PALLD: variants seen among roughly 807,000 people sequenced by gnomAD.
The protein encoded by PALLD is palladin.
PALLD carries 61 observed loss-of-function variants against 123.5 expected under a neutral mutation model. The ratio of observed to expected loss-of-function variants is 0.49; its 90% CI spans 0.40 to 0.61. PALLD has a LOEUF of 0.61. Ranked by LOEUF, PALLD falls within the 20% of genes least tolerant of loss-of-function variation. The pLI, the probability that PALLD is intolerant of heterozygous loss-of-function variation, is 0.00. For synonymous variants in PALLD, 465 were observed against 496.4 expected (o/e 0.94, Z 0.84); for missense variants, 1,273 against 1,377.0 (o/e 0.92, Z 1.20).
rs1209196622 is a variant in PALLD, at chr4:168,773,138, G to T, written c.1964+61215G>T. 4.6e-5 allele frequency among the ~76,000 whole-genome samples: 7 copies of T among 152,166 alleles called. No homozygotes were observed. The East Asian group carries it at 1.4e-3, about 29-fold the overall frequency. ...GTAACAAGTAAAATTAGTATTTTTT[G>T]GACTCCAGGTACCTGTTTGAAATTA... On this transcript the variant is annotated intron_variant, in intron 10 of 21. Coordinates refer to ENST00000505667, the MANE Select transcript of PALLD (RefSeq NM_001166108.2).
In PALLD at chr4:168,926,442, T is replaced by A. The variant is rs563479771; in HGVS notation, c.*262T>A. ...AACAGCCATTGCCTTGACCAACATA[T>A]TCCTTTGTCACATTATGTAAAAGGC... On this transcript the variant is annotated 3_prime_UTR_variant, in exon 22 of 22. Coordinates refer to ENST00000505667, the MANE Select transcript of PALLD (RefSeq NM_001166108.2). 1 of 1,245,648 alleles carries A rather than the reference T, an allele frequency of 8.0e-7. No homozygotes were observed. Among genetic ancestry groups the A allele is most frequent in the South Asian group, 1.3e-5 (1 of 76,640 alleles). The allele number at this position is 1,245,648 out of a possible 1,614,324, so 77.2% of individuals were successfully genotyped here.
chr4:168,548,586 G>T (rs1323759691), intron 2 of PALLD, among the ~76,000 whole-genome samples: 1 of 152,130 alleles, frequency 6.6e-6, no homozygotes, highest in African/African-American at 2.4e-5. Flanking sequence ...AAATGGTCTG[G>T]TGTGGGGCCT....
chr4:168,805,505 A>T (rs549538610), intron 10 of PALLD, among the ~76,000 whole-genome samples: 21 of 152,176 alleles, frequency 1.4e-4, no homozygotes, highest in Non-Finnish European at 2.6e-4. Context: ...AACTTGCCTG[A>T]ATTTCCTCTG....
intron 2 of PALLD, chr4:168,598,329 C>T (rs922099853): frequency 6.0e-6 from 3 of 500,772 alleles, no homozygotes; most frequent in Non-Finnish European, 1.2e-5. Context: ...GGGTTTGGTG[C>T]TTTGCTATTC....
intron 11 of PALLD, 84 bp from the exon 12 acceptor site, chr4:168,894,495 G>A: frequency 1.2e-6 from 1 of 818,302 alleles, no homozygotes; most frequent in Non-Finnish European, 2.1e-6. Flanking sequence ...ATGAAAGTGT[G>A]TTGTTTTTTA....
chr4:168,760,449 G>GC (rs2150435966), intron 10 of PALLD, among the ~76,000 whole-genome samples: 1 of 152,044 alleles, frequency 6.6e-6, no homozygotes, highest in Admixed American at 6.6e-5. Flanking sequence ...ATTTTCATTT[G>GC]CCCCCTCAAA....
chr4:168,613,133 C>G (rs1243801334), intron 2 of PALLD, among the ~76,000 whole-genome samples: 1 of 152,190 alleles, frequency 6.6e-6, no homozygotes, highest in Non-Finnish European at 1.5e-5. Context: ...GCATCACACA[C>G]ATTTAGATAT....
At chr4:168,682,131 CA>C (rs1313052296) in intron 4 of PALLD, among the ~76,000 whole-genome samples, 2 of 152,094 alleles carry the variant, frequency 1.3e-5, no homozygotes, top group African/African-American at 4.8e-5. Context: ...CCGAAATTCA[CA>C]AAACTTAGTT....
intron 10 of PALLD, among the ~76,000 whole-genome samples, chr4:168,835,777 C>T (rs1745093969): frequency 6.6e-6 from 1 of 152,118 alleles, no homozygotes; most frequent in South Asian, 2.1e-4. Flanking sequence ...GGGCTCACTG[C>T]AGCCTCTGCC....
At chr4:168,584,607 T>C (rs912039413) in intron 2 of PALLD, among the ~76,000 whole-genome samples, 9 of 152,364 alleles carry the variant, frequency 5.9e-5, no homozygotes, top group Admixed American at 5.9e-4. Flanking sequence ...AATTGTTTTC[T>C]ATCTTAGTCA....
intron 10 of PALLD, among the ~76,000 whole-genome samples, chr4:168,816,209 A>G (rs2150766794): frequency 6.6e-6 from 1 of 152,054 alleles, no homozygotes; most frequent in Non-Finnish European, 1.5e-5. Context: ...TGCTTTCCTC[A>G]CTCACATCTG....
At chr4:168,567,503 T>C (rs1421969213) in intron 2 of PALLD, among the ~76,000 whole-genome samples, 2 of 151,250 alleles carry the variant, frequency 1.3e-5, no homozygotes, top group Non-Finnish European at 2.9e-5. Context: ...AACCTAAGTG[T>C]CCAATGTCCA....
intron 10 of PALLD, among the ~76,000 whole-genome samples, chr4:168,733,859 T>C (rs1049724839): frequency 1.4e-4 from 21 of 152,104 alleles, no homozygotes; most frequent in East Asian, 9.7e-4. Context: ...CTCAGCCTCC[T>C]GAGTAGCTGG....
rs143265420 is a variant in PALLD at position 168,555,107 on chromosome 4, T to C, written c.908+42695T>C. Among the ~76,000 whole-genome samples, 1,413 of 152,308 alleles carry C rather than the reference T, an allele frequency of 9.3e-3. 30 individuals are homozygous for C. The highest frequency in any genetic ancestry group is 0.032 in the African/African-American group (1,322 of 41,562). On this transcript the variant is annotated intron_variant, in intron 2 of 21. Transcript: ENST00000505667. ...ATTTTATTGGAGTCCAGTCTTCTAA[T>C]GAAGTATGAAAGAAAGAAACATGTA...
chr4:168,544,907 G>C (rs1312120446), intron 2 of PALLD, among the ~76,000 whole-genome samples: 1 of 152,092 alleles, frequency 6.6e-6, no homozygotes, highest in Non-Finnish European at 1.5e-5. Flanking sequence ...AGATTTTGTG[G>C]GTCTCTTGGG....
chr4:168,827,769 G>A (rs1449282338), intron 10 of PALLD, among the ~76,000 whole-genome samples: 10 of 152,152 alleles, frequency 6.6e-5, no homozygotes, highest in Admixed American at 6.5e-5. Context: ...AAGGCCAGGC[G>A]CGGTGGCTCA....
At chr4:168,598,275 A>G in intron 2 of PALLD, 1 of 419,204 alleles carries the variant, frequency 2.4e-6, no homozygotes, top group Non-Finnish European at 4.7e-6. Context: ...TCACCAAAAT[A>G]TTCTACAAGA....
intron 10 of PALLD, among the ~76,000 whole-genome samples, chr4:168,742,699 C>T (rs895982634): frequency 2.6e-5 from 4 of 152,122 alleles, no homozygotes; most frequent in East Asian, 3.9e-4. Context: ...AGATCTAGTT[C>T]GTTTCACAGT....
At chr4:168,677,248 G>A (rs1440313637) in intron 3 of PALLD, among the ~76,000 whole-genome samples, 1 of 151,916 alleles carries the variant, frequency 6.6e-6, no homozygotes, top group Admixed American at 6.6e-5. Context: ...GGAGAGGGCG[G>A]GAGAATCGCC....
Sources: allele counts gnomAD v4.1 joint callset (sites outside exome capture counted in the v4.1 genomes callset), GRCh38; gene constraint gnomAD v4.1.1; transcripts MANE v1.5; gene names NCBI Gene and HGNC (gene_info 2026-07-23, HGNC 2026-07-21).